Variants in PDLIM3 observed in about 807,000 individuals in gnomAD.
The protein encoded by PDLIM3 is PDZ and LIM domain 3.
In PDLIM3, 36 loss-of-function variants were observed where a neutral mutation model predicts 37.3. The observed-to-expected ratio is 0.97, with a 90% CI of 0.74 to 1.28. PDLIM3 has a LOEUF of 1.28. Among genes scored for constraint, PDLIM3 ranks in the 50% most tolerant of loss-of-function variants. The pLI is 0.00. For synonymous variants in PDLIM3, 174 were observed against 182.4 expected, an observed-to-expected ratio of 0.95 and a Z score of 0.37; for missense variants, 454 against 485.0, an observed-to-expected ratio of 0.94 and a Z score of 0.60.
rs1305441463 is a variant in PDLIM3, at chr4:185,535,377, C to A, written c.58G>T (p.Gly20Cys). 6.2e-7 allele frequency: 1 copy of A among 1,608,486 alleles called. No homozygotes were observed. Among genetic ancestry groups the A allele is most frequent in the Non-Finnish European group, 8.5e-7 (1 of 1,177,656 alleles). Reference sequence around the variant, plus strand: ...ACCAAAGGCTGGTTGAAGTCTATGCCCCCTGAGAGCCTGAAGCCCCAGGGC... The same window carrying A: ...ACCAAAGGCTGGTTGAAGTCTATGCACCCTGAGAGCCTGAAGCCCCAGGGC... ...PAPWGFRLSG[G>C]IDFNQPLVIT... The change falls in exon 1 of 8, where the codon GGC (glycine) becomes TGC (cysteine). Residue 20 changes from glycine (G) to cysteine (C), a missense_variant. Physicochemically the swap from Gly to Cys is radical, Grantham distance 159. Transcript: ENST00000284767.
At chr4:185,508,602 G>A in intron 4 of PDLIM3, 40 bp from the exon 5 acceptor site, 5 of 1,609,802 alleles carry the variant, frequency 3.1e-6, no homozygotes, top group Non-Finnish European at 4.2e-6. Context: ...ATGGCACCGG[G>A]AGCCAGACAG....
At position 185,525,077 on chromosome 4, in the gene PDLIM3, G is replaced by A. The variant is rs1259274846; in HGVS notation, c.188C>T (p.Ala63Val). The A allele has an allele frequency of 1.9e-6, 3 of 1,614,106 alleles. No individual in the cohort carries two copies. In the South Asian group the frequency reaches 3.3e-5, roughly 18 times the overall value. ...DGFGTESMTHADAQDRIKAAA... is the reference protein window; with the variant it reads ...DGFGTESMTHVDAQDRIKAAA... Reference sequence around the variant, plus strand: ...TGCTTTAATCCTGTCCTGCGCATCAGCATGAGTCATGGACTCTGTCCCAAA... The same window carrying A: ...TGCTTTAATCCTGTCCTGCGCATCAACATGAGTCATGGACTCTGTCCCAAA... The change falls in exon 2 of 8, where the codon GCT (alanine) becomes GTT (valine). Residue 63 changes from alanine (A) to valine (V), a missense_variant. By Grantham distance (64) the Ala-to-Val change is moderately conservative (BLOSUM62 0). Transcript: ENST00000284767.
Position 185,514,248 on chromosome 4 carries a change from CCA to C in PDLIM3, c.398+20_398+21del. On this transcript the variant is annotated intron_variant, in intron 4 of 7. Coordinates refer to ENST00000284767, the MANE Select transcript of PDLIM3 (RefSeq NM_014476.6). The surrounding 1 kb of genome is among the most constrained non-coding windows in gnomAD (Gnocchi z 4.0). ...ATTTAAGAAGCATGCACTGCAAACT[CCA>C]CAGTCTCAGCGCTTATGACCTGCTT... 2 of 1,614,218 alleles carry C rather than the reference CCA, an allele frequency of 1.2e-6. No homozygotes were observed. Among genetic ancestry groups the C allele is most frequent in the Non-Finnish European group, 8.5e-7 (1 of 1,180,042 alleles).
At chr4:185,533,088 T>C (rs947060069) in intron 1 of PDLIM3, among the ~76,000 whole-genome samples, 4 of 152,122 alleles carry the variant, frequency 2.6e-5, no homozygotes, top group Non-Finnish European at 5.9e-5. Context: ...AGCCTCATTC[T>C]CCTCATTTGC....
At chr4:185,534,229 C>T (rs2095749536) in intron 1 of PDLIM3, among the ~76,000 whole-genome samples, 1 of 152,088 alleles carries the variant, frequency 6.6e-6, no homozygotes, top group Non-Finnish European at 1.5e-5. Context: ...ATCTCATAGG[C>T]ATATATAAAT....
chr4:185,525,070 C>T lies in PDLIM3; in HGVS notation c.195G>A (p.Ala65=), dbSNP rs148570356. The T allele has an allele frequency of 5.0e-4, 813 of 1,614,026 alleles. No individual in the cohort carries two copies. The highest frequency in any genetic ancestry group is 1.3e-3 in the South Asian group (122 of 91,076). The change falls in exon 2 of 8, where the codon GCG becomes GCA. Residue 65 remains alanine, a synonymous_variant. Transcript: ENST00000284767. ...FGTESMTHAD[A]QDRIKAAAHQ... is the part of the protein sequence containing the mutation. ...GAGCTGCTGCTTTAATCCTGTCCTG[C>T]GCATCAGCATGAGTCATGGACTCTG...
rs1580227714 is a variant in PDLIM3, at chr4:185,501,565, C to G, written c.*729G>C. 6.6e-6 allele frequency: 1 copy of G among 152,216 alleles called. No individual in the cohort carries two copies. Among genetic ancestry groups the G allele is most frequent in the Non-Finnish European group, 1.5e-5 (1 of 68,120 alleles). 9.4% of individuals were successfully genotyped at this position (152,216 alleles called of 1,614,324 possible). A position where few individuals can be genotyped will look rare whatever the true frequency, so the allele number is the denominator to read the frequency against. ...TTGAAAGAGACTGAACTACCTTTAA[C>G]TAGCAAATTTCAACGCTTCTATCAT... On this transcript the variant is annotated 3_prime_UTR_variant, in exon 8 of 8. Coordinates refer to ENST00000284767, the MANE Select transcript of PDLIM3 (RefSeq NM_014476.6).
chr4:185,525,985 C>A (rs1362075560), intron 1 of PDLIM3, among the ~76,000 whole-genome samples: 1 of 152,144 alleles, frequency 6.6e-6, no homozygotes, highest in Non-Finnish European at 1.5e-5. Flanking sequence ...CAAGAAGAGG[C>A]CAGATAATAC....
chr4:185,534,721 C>T (rs2095750333), intron 1 of PDLIM3, among the ~76,000 whole-genome samples: 1 of 152,220 alleles, frequency 6.6e-6, no homozygotes, highest in Non-Finnish European at 1.5e-5. Flanking sequence ...AATTCCTAAG[C>T]CAAGTTCTCA....
At chr4:185,526,699 C>T (rs1580263719) in intron 1 of PDLIM3, among the ~76,000 whole-genome samples, 1 of 152,288 alleles carries the variant, frequency 6.6e-6, no homozygotes, top group East Asian at 1.9e-4. Flanking sequence ...TACATTATTC[C>T]TGCTCTCCCT....
intron 4 of PDLIM3, among the ~76,000 whole-genome samples, chr4:185,510,280 C>G (rs2095704488): frequency 6.6e-6 from 1 of 152,164 alleles, no homozygotes. Flanking sequence ...AGTAATGAAC[C>G]TACTCAACAA....
intron 6 of PDLIM3, among the ~76,000 whole-genome samples, chr4:185,505,767 C>G (rs2095695798): frequency 6.6e-6 from 1 of 152,234 alleles, no homozygotes; most frequent in Non-Finnish European, 1.5e-5. Context: ...CAGGGTTGCT[C>G]TATGTTACCT....
chr4:185,510,383 C>G (rs187979919), intron 4 of PDLIM3, among the ~76,000 whole-genome samples: 3 of 152,100 alleles, frequency 2.0e-5, no homozygotes, highest in Non-Finnish European at 4.4e-5. Flanking sequence ...TTACTTATGC[C>G]ATGTTTTATA....
chr4:185,514,777 C>T lies in PDLIM3; in HGVS notation c.331-440G>A. ...CTTGTATATTGCTAGTTGAATAGAG[C>T]CCAATTGGCGAGTTATAGGAAGCGC... On this transcript the variant is annotated intron_variant, in intron 3 of 7. Coordinates refer to ENST00000284767, the MANE Select transcript of PDLIM3 (RefSeq NM_014476.6). The surrounding 1 kb of genome is among the most constrained non-coding windows in gnomAD (Gnocchi z 4.0). 1 of 1,551,922 alleles carries T rather than the reference C, an allele frequency of 6.4e-7. No individual in the cohort carries two copies. Among genetic ancestry groups the T allele is most frequent in the East Asian group, 2.4e-5 (1 of 40,926 alleles).
intron 1 of PDLIM3, among the ~76,000 whole-genome samples, chr4:185,525,888 C>T (rs1354503367): frequency 1.3e-5 from 2 of 152,198 alleles, no homozygotes; most frequent in African/African-American, 4.8e-5. Context: ...CTTGGATTTC[C>T]GGTCTCCAGA....
In PDLIM3 at chr4:185,535,419, T is replaced by C; in HGVS notation, c.16A>G (p.Ile6Val). The change falls in exon 1 of 8, where the codon ATC becomes GTC. Residue 6 changes from isoleucine (I) to valine (V), a missense_variant. Transcript: ENST00000284767. Reference protein sequence around the residue: MPQTVILPGPAPWGFR... With the variant: MPQTVVLPGPAPWGFR... Reference sequence around the variant, plus strand: ...CCCCAGGGCGCAGGGCCCGGGAGGATCACCGTCTGGGGCATGCCGCCTTCC... The same window carrying C: ...CCCCAGGGCGCAGGGCCCGGGAGGACCACCGTCTGGGGCATGCCGCCTTCC... 6.2e-7 allele frequency: 1 copy of C among 1,601,480 alleles called. No individual in the cohort carries two copies. The highest frequency in any genetic ancestry group is 8.5e-7 in the Non-Finnish European group (1 of 1,174,920).
chr4:185,519,977 G>C (rs28375577), intron 3 of PDLIM3, among the ~76,000 whole-genome samples: 2 of 152,056 alleles, frequency 1.3e-5, no homozygotes, highest in South Asian at 4.1e-4. Context: ...TTGCAGAGTT[G>C]TCATTTTGAT....
chr4:185,512,115 G>A (rs531883908), intron 4 of PDLIM3: 1 of 119,860 alleles, frequency 8.3e-6, no homozygotes, highest in East Asian at 2.3e-4. Context: ...TTTTTTTTGA[G>A]ATGGAGTCTC....
At chr4:185,523,140 G>C in intron 3 of PDLIM3, 1 of 489,356 alleles carries the variant, frequency 2.0e-6, no homozygotes, top group South Asian at 2.6e-5. Flanking sequence ...CTTTCTGATG[G>C]GAGCATATTT....
Sources: allele counts gnomAD v4.1 joint callset (sites outside exome capture counted in the v4.1 genomes callset), GRCh38; gene constraint gnomAD v4.1.1; non-coding constraint Gnocchi (gnomAD v3.1); transcripts MANE v1.5; gene names NCBI Gene and HGNC (gene_info 2026-07-23, HGNC 2026-07-21).